The following FRMD4B variants were observed in gnomAD, a reference collection of about 807,000 sequenced individuals.
The protein encoded by FRMD4B is FERM domain containing 4B.
A neutral mutation model predicts 141.5 loss-of-function variants in FRMD4B; 74 were observed. That is an observed-to-expected ratio of 0.52 (90% confidence interval 0.43 to 0.63). FRMD4B has a LOEUF of 0.63. Among genes scored for constraint, FRMD4B ranks in the 30% least tolerant of loss-of-function variants. The probability of loss-of-function intolerance (pLI) is 0.00; values close to 1 mark genes in which losing one functional copy is unlikely to be tolerated. For synonymous variants in FRMD4B, 506 were observed against 467.9 expected, an observed-to-expected ratio of 1.08 and a Z score of -1.05; for missense variants, 1,366 against 1,253.4, an observed-to-expected ratio of 1.09 and a Z score of -1.36.
intron 1 of FRMD4B, among the ~76,000 whole-genome samples, chr3:69,474,156 C>T (rs1247718869): frequency 6.6e-6 from 1 of 152,206 alleles, no homozygotes; most frequent in Non-Finnish European, 1.5e-5. Flanking sequence ...GGTCTTAGCT[C>T]ATGTATTGCT....
chr3:69,341,270 T>C lies in FRMD4B; in HGVS notation c.163-27753A>G, dbSNP rs1374053709. Among the ~76,000 whole-genome samples the C allele has an allele frequency of 3.3e-5, 5 of 151,722 alleles. No individual in the cohort carries two copies. In the South Asian group the frequency reaches 6.2e-4, roughly 19 times the overall value. ...TCCTATTCTTTCAACTCAAATGCAG[T>C]GGTTACTGAAAAAAATCTCTGCAGA... On this transcript the variant is annotated intron_variant, in intron 1 of 22. Transcript: ENST00000398540.
At chr3:69,471,069 T>TA (rs1362069584) in intron 1 of FRMD4B, among the ~76,000 whole-genome samples, 4 of 152,178 alleles carry the variant, frequency 2.6e-5, no homozygotes, top group Admixed American at 2.6e-4. Flanking sequence ...GCCCATGGCA[T>TA]AAGAGTTATC....
chr3:69,379,010 C>T (rs576232847), intron 1 of FRMD4B, among the ~76,000 whole-genome samples: 2 of 152,158 alleles, frequency 1.3e-5, no homozygotes, highest in Non-Finnish European at 2.9e-5. Context: ...AAAGGCAAAG[C>T]CCTTTCATAG....
chr3:69,331,687 G>A (rs1702374568), intron 1 of FRMD4B, among the ~76,000 whole-genome samples: 1 of 152,056 alleles, frequency 6.6e-6, no homozygotes, highest in South Asian at 2.1e-4. Flanking sequence ...CACTTCCCAG[G>A]GCTGGGTGGC....
At chr3:69,282,787 A>G (rs1000879100) in intron 5 of FRMD4B, among the ~76,000 whole-genome samples, 70 of 151,944 alleles carry the variant, frequency 4.6e-4, no homozygotes, top group African/African-American at 1.7e-3. Flanking sequence ...ACAGGCGCCC[A>G]CCACCACACC....
chr3:69,357,145 C>T (rs1190055635), intron 1 of FRMD4B, among the ~76,000 whole-genome samples: 1 of 152,130 alleles, frequency 6.6e-6, no homozygotes, highest in Non-Finnish European at 1.5e-5. Context: ...GCCAGGGATT[C>T]AGTCGTGAGG....
chr3:69,410,706 T>A lies in FRMD4B; in HGVS notation c.-1+21928A>T, dbSNP rs536797036. Among the ~76,000 whole-genome samples the A allele has an allele frequency of 7.6e-4, 87 of 114,450 alleles. 1 individual carries two copies. The highest frequency in any genetic ancestry group is 9.8e-4 in the Non-Finnish European group (56 of 57,302). 75.1% of individuals were successfully genotyped at this position (114,450 alleles called of 152,430 possible). A position where few individuals can be genotyped will look rare whatever the true frequency, so the allele number is the denominator to read the frequency against. ...ATGGAACAAGGGAAAAAAAGAAATA[T>A]ATAAATAAATAAATAAATAAATATA... On this transcript the variant is annotated intron_variant, in intron 2 of 5. Transcript: ENST00000459638.
chr3:69,314,834 C>T (rs1701751634), intron 1 of FRMD4B, among the ~76,000 whole-genome samples: 1 of 149,882 alleles, frequency 6.7e-6, no homozygotes, highest in African/African-American at 2.5e-5. Context: ...GACACTTTTC[C>T]AAAAAAAAGA....
chr3:69,480,363 G>A (rs1018406034), intron 1 of FRMD4B, among the ~76,000 whole-genome samples: 15 of 152,140 alleles, frequency 9.9e-5, no homozygotes, highest in Non-Finnish European at 1.9e-4. Flanking sequence ...CTTTGAAGAT[G>A]GTGATGTTCA....
intron 5 of FRMD4B, chr3:69,287,529 A>T (rs755763522): frequency 1.8e-6 from 1 of 545,098 alleles, no homozygotes; most frequent in Non-Finnish European, 3.3e-6. Flanking sequence ...GTGATTGTGC[A>T]TATGCAGGAT....
At chr3:69,540,660 T>TATATATATATACACACAC (rs1241897477) in intron 1 of FRMD4B, among the ~76,000 whole-genome samples, 5 of 56,876 alleles carry the variant, frequency 8.8e-5, no homozygotes, top group African/African-American at 5.2e-4. Context: ...TATATATATA[T>TATATATATATACACACAC]ACACACACAC....
chr3:69,258,356 T>A (rs142600588), intron 5 of FRMD4B, among the ~76,000 whole-genome samples: 1 of 152,324 alleles, frequency 6.6e-6, no homozygotes, highest in African/African-American at 2.4e-5. Context: ...TGACATGTGT[T>A]TGTTACTCAT....
chr3:69,198,838 G>C (rs1354664573), intron 11 of FRMD4B, 64 bp from the exon 12 acceptor site: 4 of 790,194 alleles, frequency 5.1e-6, no homozygotes, highest in Non-Finnish European at 8.7e-6. Flanking sequence ...CTATAAATCA[G>C]CTTAATAATC....
chr3:69,183,849 G>T (rs1189496767), intron 19 of FRMD4B, among the ~76,000 whole-genome samples: 4 of 151,834 alleles, frequency 2.6e-5, no homozygotes, highest in Admixed American at 2.6e-4. Flanking sequence ...GCAAGTCTAA[G>T]TTCATTAGGA....
intron 1 of FRMD4B, among the ~76,000 whole-genome samples, chr3:69,317,439 G>C (rs566415484): frequency 6.6e-6 from 1 of 152,214 alleles, no homozygotes; most frequent in Non-Finnish European, 1.5e-5. Flanking sequence ...GAATGAGGGA[G>C]ACAAGTAGCT....
At chr3:69,471,483 T>C in intron 1 of FRMD4B, 1 of 261,900 alleles carries the variant, frequency 3.8e-6, no homozygotes, top group Non-Finnish European at 7.6e-6. Flanking sequence ...TCATGACCCC[T>C]TTTAAAAATA....
chr3:69,197,408 G>C (rs1253290761), intron 12 of FRMD4B, among the ~76,000 whole-genome samples: 1 of 152,108 alleles, frequency 6.6e-6, no homozygotes, highest in East Asian at 1.9e-4. Flanking sequence ...ACCAAGTGTG[G>C]GGTGAGCACC....
intron 2 of FRMD4B, among the ~76,000 whole-genome samples, chr3:69,427,650 T>TTTTTTTTTTTTTG: frequency 8.5e-6 from 1 of 117,952 alleles, no homozygotes; most frequent in Non-Finnish European, 1.7e-5. Context: ...AATGTTTTTT[T>TTTTTTTTTTTTTG]TTTTTTTTTT....
At chr3:69,176,472 A>G (rs1324333042) in intron 22 of FRMD4B, 52 bp downstream of exon 22, 19 of 1,502,394 alleles carry the variant, frequency 1.3e-5, no homozygotes, top group Non-Finnish European at 1.8e-5. Context: ...GGATCCCTGA[A>G]TTCTTTTGAA....
Sources: allele counts gnomAD v4.1 joint callset (sites outside exome capture counted in the v4.1 genomes callset), GRCh38; gene constraint gnomAD v4.1.1; transcripts MANE v1.5; gene names NCBI Gene and HGNC (gene_info 2026-07-23, HGNC 2026-07-21).